PRPF39: variants seen among roughly 807,000 people sequenced by gnomAD.
The protein encoded by PRPF39 is pre-mRNA processing factor 39.
A neutral mutation model predicts 82.1 loss-of-function variants in PRPF39; 27 were observed. The observed-to-expected ratio is 0.33, with a 90% confidence interval of 0.24 to 0.45. PRPF39 has a LOEUF of 0.45. PRPF39 is among the 20% of genes least tolerant of loss of function. The probability of loss-of-function intolerance (pLI) is 1.00; values close to 1 mark genes in which losing one functional copy is unlikely to be tolerated. For missense variants in PRPF39, 581 were observed against 796.9 expected (o/e 0.73, Z 3.26); for synonymous variants, 261 against 256.4 (o/e 1.02, Z -0.17).
chr14:45,085,955 T>G (rs1883814127), intron 1 of PRPF39, among the ~76,000 whole-genome samples: 1 of 151,820 alleles, frequency 6.6e-6, no homozygotes, highest in Middle Eastern at 3.2e-3. Context: ...AAAAAGGTAT[T>G]AGGTCAAAAG....
chr14:45,102,845 G>T, intron 5 of PRPF39, 149 bp downstream of exon 5: 2 of 749,100 alleles, frequency 2.7e-6, no homozygotes, highest in Non-Finnish European at 4.1e-6. Context: ...CTACATGCTT[G>T]CTTTTGACAT....
At position 45,115,279 on chromosome 14, in the gene PRPF39, G is replaced by C. The variant is rs1884803168; in HGVS notation, c.*366G>C. On this transcript the variant is annotated 3_prime_UTR_variant, in exon 14 of 14. Transcript: ENST00000355765. ...AAATTCTGAAAACACATAAGGGCTG[G>C]TTATTTACCTCCTTTTTTTTTTTTT... 6.6e-6 allele frequency: 1 copy of C among 151,100 alleles called. No homozygotes were observed. Among genetic ancestry groups the C allele is most frequent in the African/African-American group, 2.5e-5 (1 of 40,318 alleles). 9.4% of individuals were successfully genotyped at this position (151,100 alleles called of 1,614,324 possible).
In PRPF39 at chr14:45,100,255, CAAACA is replaced by C. The variant is rs199894622; in HGVS notation, c.570-2263_570-2259del. 2.3e-4 allele frequency among the ~76,000 whole-genome samples: 35 copies of C among 150,014 alleles called. No homozygotes were observed. In the East Asian group the frequency reaches 4.7e-3, roughly 20 times the overall value. ...AAAAACAAACAAACAAACAAACAAA[CAAACA>C]AAACAAAACACAAGCATATGGAAGC... is the stretch of plus-strand genomic sequence containing the variant. On this transcript the variant is annotated intron_variant, in intron 4 of 13. Coordinates refer to ENST00000355765, the MANE Select transcript of PRPF39 (RefSeq NM_017922.4).
chr14:45,090,460 A>C (rs1251286154), intron 1 of PRPF39, among the ~76,000 whole-genome samples: 1 of 152,188 alleles, frequency 6.6e-6, no homozygotes, highest in Non-Finnish European at 1.5e-5. Context: ...ACTTCTCAAT[A>C]CCAACCTCTT....
intron 1 of PRPF39, among the ~76,000 whole-genome samples, chr14:45,085,464 T>G (rs1883792726): frequency 6.6e-6 from 1 of 152,246 alleles, no homozygotes; most frequent in African/African-American, 2.4e-5. Context: ...AAAAATTGTA[T>G]GTGCTGTTTT....
intron 5 of PRPF39, among the ~76,000 whole-genome samples, chr14:45,104,889 T>C (rs549382668): frequency 2.0e-5 from 3 of 152,204 alleles, no homozygotes; most frequent in Admixed American, 6.5e-5. Flanking sequence ...AGTGGACTTA[T>C]ATTCCCTGAG....
chr14:45,095,254 C>A lies in PRPF39; in HGVS notation c.15C>A (p.His5Gln). The change falls in exon 2 of 14, where the codon CAC becomes CAA. Residue 5 changes from histidine to glutamine, a missense_variant. By Grantham distance (24) the His-to-Gln change is conservative (BLOSUM62 0). Coordinates refer to ENST00000355765, the MANE Select transcript of PRPF39 (RefSeq NM_017922.4). ...CTGAAGACAATATGCAAAATTCTCA[C>A]ATGGATGAATACAGAAATTCTAGTA... MQNS[H>Q]MDEYRNSSNG... is the part of the protein sequence containing the mutation. 1 of 1,590,294 alleles carries A rather than the reference C, an allele frequency of 6.3e-7. No homozygotes were observed. The highest frequency in any genetic ancestry group is 8.6e-7 in the Non-Finnish European group (1 of 1,163,284).
rs2139070733 is a variant in PRPF39, at chr14:45,114,588, G to A, written c.1927G>A (p.Val643Ile). ...TGGTGATTTACAGGCAAACCAAGCT[G>A]TATATAATTATAGTGCGTGGTATCA... ...IDGDLQANQA[V>I]YNYSAWYQYN... Residue 643 changes from valine (V) to isoleucine (I), a missense_variant, in exon 13 of 14, where the codon GTA becomes ATA. Val to Ile is a conservative substitution (Grantham distance 29). Transcript: ENST00000355765. 2.5e-6 allele frequency: 4 copies of A among 1,610,032 alleles called. No individual in the cohort carries two copies. Among genetic ancestry groups the A allele is most frequent in the East Asian group, 2.2e-5 (1 of 44,734 alleles).
intron 11 of PRPF39, among the ~76,000 whole-genome samples, chr14:45,112,733 A>G (rs1211116472): frequency 6.6e-6 from 1 of 152,222 alleles, no homozygotes; most frequent in African/African-American, 2.4e-5. Flanking sequence ...CAATTTTAGA[A>G]TGACAATTTA....
chr14:45,098,657 A>C (rs566586629), intron 4 of PRPF39, among the ~76,000 whole-genome samples: 2 of 152,078 alleles, frequency 1.3e-5, no homozygotes, highest in Non-Finnish European at 2.9e-5. Context: ...ATACAATCAG[A>C]TCTGTTAAAA....
At chr14:45,108,136 CA>C (rs879271338) in intron 6 of PRPF39, among the ~76,000 whole-genome samples, 13 of 150,918 alleles carry the variant, frequency 8.6e-5, no homozygotes, top group Non-Finnish European at 7.4e-5. Flanking sequence ...CAAGACACCC[CA>C]AAAAAAACTT....
chr14:45,089,779 T>G (rs564895297), intron 1 of PRPF39, among the ~76,000 whole-genome samples: 17 of 152,334 alleles, frequency 1.1e-4, no homozygotes, highest in Admixed American at 3.9e-4. Flanking sequence ...AATTATTGGT[T>G]GTTGTTAAGA....
In PRPF39 at chr14:45,114,570, T is replaced by A; in HGVS notation, c.1909T>A (p.Leu637Ile). 1 of 1,609,342 alleles carries A rather than the reference T, an allele frequency of 6.2e-7. No individual in the cohort carries two copies. Among genetic ancestry groups the A allele is most frequent in the Non-Finnish European group, 8.5e-7 (1 of 1,178,366 alleles). ...SSSTQMIDGD[L>I]QANQAVYNYS... is the part of the protein sequence containing the mutation. ...ATCTACACAGATGATTGATGGTGAT[T>A]TACAGGCAAACCAAGCTGTATATAA... is the stretch of plus-strand genomic sequence containing the variant. The change falls in exon 13 of 14, where the codon TTA becomes ATA. Residue 637 changes from leucine (L) to isoleucine (I), a missense_variant. Transcript: ENST00000355765.
At chr14:45,113,060 T>C (rs1015953442) in intron 11 of PRPF39, among the ~76,000 whole-genome samples, 4 of 152,222 alleles carry the variant, frequency 2.6e-5, no homozygotes, top group African/African-American at 9.6e-5. Flanking sequence ...GGCTAGAGCA[T>C]TGCTGAAGTT....
chr14:45,101,623 G>A (rs149362532), intron 4 of PRPF39, among the ~76,000 whole-genome samples: 6 of 151,876 alleles, frequency 4.0e-5, no homozygotes, highest in East Asian at 1.9e-4. Context: ...GCACCACAAC[G>A]CCTGGCTAAT....
chr14:45,088,059 G>A (rs369856913), intron 1 of PRPF39, among the ~76,000 whole-genome samples: 2 of 152,098 alleles, frequency 1.3e-5, no homozygotes, highest in South Asian at 2.1e-4. Flanking sequence ...CTGTGTATTG[G>A]TAGATATGGT....
intron 12 of PRPF39, 109 bp from the exon 13 acceptor site, chr14:45,114,383 CTT>C: frequency 2.2e-6 from 3 of 1,347,686 alleles, no homozygotes; most frequent in East Asian, 4.8e-5. Flanking sequence ...TTGAAAAAGT[CTT>C]GAGTGATTCA....
chr14:45,096,014 T>G, intron 2 of PRPF39, 89 bp from the exon 3 acceptor site: 1 of 1,209,526 alleles, frequency 8.3e-7, no homozygotes, highest in Non-Finnish European at 1.1e-6. Flanking sequence ...TTATTATTAT[T>G]TTTTTAGATA....
At chr14:45,102,393 A>T in intron 4 of PRPF39, 136 bp from the exon 5 acceptor site, 1 of 640,540 alleles carries the variant, frequency 1.6e-6, no homozygotes, top group Non-Finnish European at 2.5e-6. Context: ...TATTCTGTCT[A>T]CCCTTTAATC....
Sources: allele counts gnomAD v4.1 joint callset (sites outside exome capture counted in the v4.1 genomes callset), GRCh38; gene constraint gnomAD v4.1.1; transcripts MANE v1.5; gene names NCBI Gene and HGNC (gene_info 2026-07-23, HGNC 2026-07-21).